Variants in PRDM10 observed in about 807,000 individuals in gnomAD.
PRDM10 encodes PR domain zinc finger protein 10.
In PRDM10, 65 loss-of-function variants were observed where a neutral mutation model predicts 133.1. The ratio of observed to expected loss-of-function variants is 0.49; its 90% CI spans 0.40 to 0.60. The LOEUF (loss-of-function observed/expected upper bound fraction) is 0.60, where lower values mean the gene tolerates loss of function less well. PRDM10 is among the 20% of genes least tolerant of loss of function. The probability of loss-of-function intolerance (pLI) is 0.00; values close to 1 mark genes in which losing one functional copy is unlikely to be tolerated. For synonymous variants in PRDM10, 582 were observed against 580.4 expected, an observed-to-expected ratio of 1.00 and a Z score of -0.04; for missense variants, 1,137 against 1,507.1, an observed-to-expected ratio of 0.75 and a Z score of 4.07.
intron 1 of PRDM10, among the ~76,000 whole-genome samples, chr11:129,969,870 AG>A: frequency 6.6e-6 from 1 of 152,308 alleles, no homozygotes; most frequent in South Asian, 2.1e-4. Flanking sequence ...CTGTATGTCA[AG>A]AAACAGAAAA....
intron 4 of PRDM10, 86 bp downstream of exon 4, chr11:129,955,426 G>T: frequency 1.6e-6 from 2 of 1,279,390 alleles, no homozygotes; most frequent in Non-Finnish European, 2.2e-6. Flanking sequence ...AACATCCAGA[G>T]ATGGTGCAGT....
At chr11:129,931,607 C>CG (rs1279626802) in intron 10 of PRDM10, among the ~76,000 whole-genome samples, 11 of 146,532 alleles carry the variant, frequency 7.5e-5, no homozygotes, top group African/African-American at 1.5e-4. Context: ...CTCGCTCTGT[C>CG]CCCAGGCTGG....
At chr11:129,929,225 A>T (rs564298766) in intron 11 of PRDM10, among the ~76,000 whole-genome samples, 8 of 152,330 alleles carry the variant, frequency 5.3e-5, no homozygotes, top group African/African-American at 1.9e-4. Context: ...TATATGAGGA[A>T]CCTGCAGCCC....
At chr11:129,960,563 C>A (rs1951777001) in intron 2 of PRDM10, among the ~76,000 whole-genome samples, 2 of 152,298 alleles carry the variant, frequency 1.3e-5, no homozygotes, top group South Asian at 4.1e-4. Flanking sequence ...AAGGACCAAA[C>A]TACTATGGAT....
chr11:129,972,778 G>A (rs1389098446), intron 1 of PRDM10, among the ~76,000 whole-genome samples: 3 of 152,104 alleles, frequency 2.0e-5, no homozygotes, highest in Admixed American at 6.5e-5. Flanking sequence ...TTGACTGCCC[G>A]CTTAGAGAAA....
In PRDM10 at chr11:129,917,132, C is replaced by T. The variant is rs778039472; in HGVS notation, c.2320G>A (p.Asp774Asn). 1.2e-6 allele frequency: 2 copies of T among 1,605,378 alleles called. No individual in the cohort carries two copies. Among genetic ancestry groups the T allele is most frequent in the African/African-American group, 1.3e-5 (1 of 74,830 alleles). The change falls in exon 15 of 21, where the codon GAT becomes AAT. Residue 774 changes from aspartate to asparagine, a missense_variant. By Grantham distance (23) the Asp-to-Asn change is conservative. Coordinates refer to ENST00000360871, the MANE Select transcript of PRDM10 (RefSeq NM_199437.2). Reference protein sequence around the residue: ...PNRDYFCQYCDKVYKSASKRK... With the variant: ...PNRDYFCQYCNKVYKSASKRK... ...TATGAATATTTCCCTTTTACCTTAT[C>T]GCAATACTGACAAAAGTAATCACGA...
intron 1 of PRDM10, among the ~76,000 whole-genome samples, chr11:130,001,269 C>T (rs1309812351): frequency 6.6e-6 from 1 of 152,016 alleles, no homozygotes; most frequent in Non-Finnish European, 1.5e-5. Context: ...TATTGTGATG[C>T]TGGAATGGTA....
intron 1 of PRDM10, among the ~76,000 whole-genome samples, chr11:130,000,333 G>A (rs1939281867): frequency 6.6e-6 from 1 of 152,186 alleles, no homozygotes; most frequent in Non-Finnish European, 1.5e-5. Flanking sequence ...ATGAGCCACA[G>A]CGCCCGGCTT....
chr11:129,981,122 G>A (rs968119555), intron 1 of PRDM10, among the ~76,000 whole-genome samples: 7 of 151,906 alleles, frequency 4.6e-5, no homozygotes, highest in African/African-American at 1.5e-4. Flanking sequence ...CCGCCTGCCC[G>A]GGCCTCCCAA....
At position 129,909,067 on chromosome 11, in the gene PRDM10, G is replaced by A. The variant is rs190228759; in HGVS notation, c.3163+1409C>T. Among the ~76,000 whole-genome samples the A allele has an allele frequency of 3.9e-5, 6 of 152,180 alleles. 1 individual carries two copies. Among genetic ancestry groups the A allele is most frequent in the Admixed American group, 3.3e-4 (5 of 15,288 alleles). On this transcript the variant is annotated intron_variant, in intron 19 of 20. Transcript: ENST00000360871. ...TTTCACAGGAATTACACTGAGTACA[G>A]AGGTCAGTCTATTCACCAGATTCTA...
chr11:129,944,327 G>A (rs1378292611), intron 6 of PRDM10, among the ~76,000 whole-genome samples: 1 of 152,142 alleles, frequency 6.6e-6, no homozygotes, highest in Non-Finnish European at 1.5e-5. Context: ...GGGCGCGGTG[G>A]CTCACGCCTG....
chr11:129,983,473 T>A (rs887018639), intron 1 of PRDM10, among the ~76,000 whole-genome samples: 1 of 152,112 alleles, frequency 6.6e-6, no homozygotes, highest in African/African-American at 2.4e-5. Flanking sequence ...TTTGTTTTTG[T>A]ATTTTTAGTA....
At chr11:129,903,030 C>T (rs949342810) in intron 20 of PRDM10, among the ~76,000 whole-genome samples, 1 of 152,092 alleles carries the variant, frequency 6.6e-6, no homozygotes, top group Non-Finnish European at 1.5e-5. Context: ...CATGGTGGCT[C>T]ACACCTGTAA....
chr11:129,952,752 C>T (rs936543334), intron 4 of PRDM10, among the ~76,000 whole-genome samples: 1 of 151,860 alleles, frequency 6.6e-6, no homozygotes, highest in African/African-American at 2.4e-5. Context: ...CTCCTGGGCT[C>T]AAGTGGTCCT....
intron 1 of PRDM10, among the ~76,000 whole-genome samples, chr11:129,983,063 G>A (rs535521784): frequency 3.3e-5 from 5 of 151,934 alleles, no homozygotes; most frequent in South Asian, 2.1e-4. Context: ...TGCAACCTCC[G>A]CCCCCCAGGT....
intron 4 of PRDM10, among the ~76,000 whole-genome samples, chr11:129,951,216 T>C (rs1272542836): frequency 6.6e-6 from 1 of 152,202 alleles, no homozygotes. Context: ...TAGGCAGGTA[T>C]TTGAATCCCT....
intron 6 of PRDM10, among the ~76,000 whole-genome samples, chr11:129,944,239 G>A (rs888568254): frequency 4.6e-5 from 7 of 151,982 alleles, no homozygotes; most frequent in Admixed American, 4.6e-4. Context: ...ATTTTACTAC[G>A]GCAACCCTAG....
intron 1 of PRDM10, among the ~76,000 whole-genome samples, chr11:129,962,282 G>A (rs1046260012): frequency 6.6e-6 from 1 of 152,180 alleles, no homozygotes; most frequent in African/African-American, 2.4e-5. Context: ...TGTGTGAACA[G>A]GGCAGCAGCC....
At chr11:129,986,166 T>C (rs749150507) in intron 1 of PRDM10, among the ~76,000 whole-genome samples, 6 of 151,870 alleles carry the variant, frequency 4.0e-5, no homozygotes, top group Non-Finnish European at 8.8e-5. Context: ...ACAAGAATGG[T>C]TGGAAATCAC....
Sources: allele counts gnomAD v4.1 joint callset (sites outside exome capture counted in the v4.1 genomes callset), GRCh38; gene constraint gnomAD v4.1.1; transcripts MANE v1.5; gene names NCBI Gene and HGNC (gene_info 2026-07-23, HGNC 2026-07-21).